Variants in MREG observed in about 807,000 individuals in gnomAD.
MREG encodes dilute suppressor protein homolog.
MREG carries 31 observed loss-of-function variants against 28.5 expected under a neutral mutation model. The ratio of observed to expected loss-of-function variants is 1.09; its 90% CI spans 0.82 to 1.47. MREG has a LOEUF of 1.47. MREG is among the 40% of genes most tolerant of loss of function. The pLI is 0.00. For synonymous variants in MREG, 106 were observed against 95.2 expected (o/e 1.11, Z -0.66); for missense variants, 256 against 257.4 (o/e 0.99, Z 0.04).
intron 1 of MREG, among the ~76,000 whole-genome samples, chr2:216,010,601 G>C (rs1382218143): frequency 1.1e-4 from 16 of 150,266 alleles, no homozygotes; most frequent in South Asian, 2.1e-4. Flanking sequence ...TTGTGATCCG[G>C]CCGCCTCGGC....
At chr2:216,001,424 C>A (rs774445841) in intron 1 of MREG, among the ~76,000 whole-genome samples, 1 of 152,136 alleles carries the variant, frequency 6.6e-6, no homozygotes, top group Non-Finnish European at 1.5e-5. Context: ...GCCCCTGGAC[C>A]GGCAATGCCT....
intron 2 of MREG, 62 bp downstream of exon 2, chr2:215,996,244 G>T: frequency 6.8e-7 from 1 of 1,479,496 alleles, no homozygotes; most frequent in South Asian, 1.4e-5. Flanking sequence ...ATCTTCTCAG[G>T]AATTACTATT....
At chr2:215,941,082 G>A (rs1015996585), downstream of MREG, among the ~76,000 whole-genome samples, 11 of 152,152 alleles carry the variant, frequency 7.2e-5, no homozygotes, top group Non-Finnish European at 1.5e-5. Flanking sequence ...ATTCTCCAGT[G>A]TCTGGTTTTT....
chr2:216,005,842 TAAAA>T (rs35179294), intron 1 of MREG, among the ~76,000 whole-genome samples: 3 of 125,928 alleles, frequency 2.4e-5, no homozygotes, highest in Non-Finnish European at 5.1e-5. Flanking sequence ...AAGATTTTTG[TAAAA>T]AAAAAAAAAA....
intron 3 of MREG, 100 bp downstream of exon 3, chr2:215,946,923 A>C (rs1574587810): frequency 1.4e-6 from 1 of 728,864 alleles, no homozygotes; most frequent in Non-Finnish European, 2.4e-6. Flanking sequence ...TTAATTAGGC[A>C]ATTATTGACA....
chr2:215,976,617 G>A (rs1693268274), intron 2 of MREG, among the ~76,000 whole-genome samples: 1 of 152,198 alleles, frequency 6.6e-6, no homozygotes, highest in Admixed American at 6.5e-5. Context: ...GCAACATCTG[G>A]AGTACAGGGA....
In MREG at chr2:215,965,685, A is replaced by G. The variant is rs1692920681; in HGVS notation, c.256-18572T>C. On this transcript the variant is annotated intron_variant, in intron 2 of 4. Transcript: ENST00000263268. ...CTCTTCCTTTGTTTGCAAGCTGTCA[A>G]GTTGTTTATCTCTGCTTGACACTGA... is the stretch of plus-strand genomic sequence containing the variant. Among the ~76,000 whole-genome samples the G allele has an allele frequency of 2.6e-5, 4 of 152,242 alleles. No individual in the cohort carries two copies. In the South Asian group the frequency reaches 8.3e-4, roughly 32 times the overall value.
At chr2:216,009,370 G>T (rs1027876010) in intron 1 of MREG, among the ~76,000 whole-genome samples, 54 of 152,138 alleles carry the variant, frequency 3.5e-4, no homozygotes, top group East Asian at 7.7e-4. Flanking sequence ...CTAAGTGGGG[G>T]TTGGGTGCAG....
chr2:215,985,435 C>T (rs1035788230), intron 2 of MREG, among the ~76,000 whole-genome samples: 1 of 152,166 alleles, frequency 6.6e-6, no homozygotes, highest in Non-Finnish European at 1.5e-5. Context: ...TTTGCAAATG[C>T]ATCATTTCTT....
chr2:216,022,270 C>T lies in MREG; in HGVS notation c.-68+10519G>A, dbSNP rs1047492872. Among the ~76,000 whole-genome samples the T allele has an allele frequency of 3.9e-5, 6 of 152,102 alleles. No homozygotes were observed. The South Asian group carries it at 1.0e-3, about 26-fold the overall frequency. ...CTGTCTCAAAAAATAATAATAATAA[C>T]AGTACTCATCCTCAGAGTACTATCC... is the stretch of plus-strand genomic sequence containing the variant. On this transcript the variant is annotated intron_variant, in intron 1 of 3. Coordinates refer to the MREG transcript ENST00000420348.
intron 3 of MREG, 93 bp downstream of exon 3, chr2:215,946,930 G>T (rs1038446294): frequency 8.1e-5 from 62 of 765,470 alleles, no homozygotes; most frequent in Non-Finnish European, 1.3e-4. Context: ...GGCAATTATT[G>T]ACATTCCTTT....
chr2:215,963,420 A>G (rs796304841), intron 2 of MREG, among the ~76,000 whole-genome samples: 28 of 144,284 alleles, frequency 1.9e-4, no homozygotes, highest in African/African-American at 6.9e-4. Flanking sequence ...TGAGTGATAG[A>G]GTGAGAACCC....
intron 1 of MREG, among the ~76,000 whole-genome samples, chr2:216,020,408 C>T (rs1461832528): frequency 6.6e-6 from 1 of 152,160 alleles, no homozygotes; most frequent in Non-Finnish European, 1.5e-5. Context: ...CACCGTCTTT[C>T]CTGTTAGTGA....
intron 4 of MREG, 47 bp from the exon 5 acceptor site, chr2:215,945,044 C>G (rs1692284836): frequency 4.6e-6 from 7 of 1,515,734 alleles, no homozygotes; most frequent in Non-Finnish European, 6.3e-6. Context: ...AAGATAGGAA[C>G]CAAGACATGT....
chr2:215,960,637 C>T (rs1692755973), intron 2 of MREG, among the ~76,000 whole-genome samples: 2 of 148,938 alleles, frequency 1.3e-5, no homozygotes, highest in East Asian at 2.2e-4. Context: ...AGATCGAGAC[C>T]ATTCTGGCTA....
chr2:216,012,019 T>C (rs998346269), intron 1 of MREG, among the ~76,000 whole-genome samples: 1 of 152,218 alleles, frequency 6.6e-6, no homozygotes, highest in African/African-American at 2.4e-5. Flanking sequence ...TGACTTTATA[T>C]ATATAATATA....
At chr2:215,986,392 C>A (rs1693572683) in intron 2 of MREG, among the ~76,000 whole-genome samples, 2 of 152,202 alleles carry the variant, frequency 1.3e-5, no homozygotes, top group South Asian at 2.1e-4. Context: ...CCATTAAAAG[C>A]AGTATGAGTT....
At position 215,996,432 on chromosome 2, in the gene MREG, A is replaced by C; in HGVS notation, c.129T>G (p.Thr43=). The change falls in exon 2 of 5, where the codon ACT becomes ACG. Residue 43 remains threonine, a synonymous_variant. Transcript: ENST00000263268. ...AATTCTTCTCATCATCCCTCACCAG[A>C]GTTGCTCCAAATGAGGAATATGGAT... is the stretch of plus-strand genomic sequence containing the variant. The part of the protein sequence containing the change: ...DNNPYSSFGA[T]LVRDDEKNLW... The C allele has an allele frequency of 6.2e-7, 1 of 1,613,482 alleles. No individual in the cohort carries two copies. Among genetic ancestry groups the C allele is most frequent in the Non-Finnish European group, 8.5e-7 (1 of 1,179,672 alleles).
Position 216,013,290 on chromosome 2 carries a change from C to T in MREG, c.38G>A (p.Cys13Tyr). The change falls in exon 1 of 5, where the codon TGC becomes TAC. Residue 13 changes from cysteine (C) to tyrosine (Y), a missense_variant. Physicochemically the swap from Cys to Tyr is radical, Grantham distance 194 (BLOSUM62 -2). Transcript: ENST00000263268. ...CTCCTCCAAGCACTCGCACCCGCAG[C>T]AGCAGCACACGGTTCTCAGCCAGTC... The part of the protein sequence containing the change: ...LRDWLRTVCC[C>Y]CGCECLEERA... The T allele has an allele frequency of 6.5e-7, 1 of 1,549,598 alleles. No homozygotes were observed. The highest frequency in any genetic ancestry group is 8.7e-7 in the Non-Finnish European group (1 of 1,146,576).
Sources: allele counts gnomAD v4.1 joint callset (sites outside exome capture counted in the v4.1 genomes callset), GRCh38; gene constraint gnomAD v4.1.1; transcripts MANE v1.5; gene names NCBI Gene and HGNC (gene_info 2026-07-23, HGNC 2026-07-21).